The following STK38L variants were observed in gnomAD, a reference collection of about 807,000 sequenced individuals.
STK38L encodes serine/threonine-protein kinase 38-like.
In STK38L, 28 loss-of-function variants were observed where a neutral mutation model predicts 59.7. The observed-to-expected ratio is 0.47, with a 90% CI of 0.35 to 0.64. The LOEUF is 0.64. STK38L is among the 30% of genes least tolerant of loss of function. The pLI, the probability that STK38L is intolerant of heterozygous loss-of-function variation, is 0.01. For missense variants in STK38L, 314 were observed against 555.8 expected, an observed-to-expected ratio of 0.56 and a Z score of 4.37; for synonymous variants, 162 against 176.8, an observed-to-expected ratio of 0.92 and a Z score of 0.66.
intron 1 of STK38L, among the ~76,000 whole-genome samples, chr12:27,277,242 A>G (rs11048960): frequency 0.24 from 36,703 of 151,886 alleles, 4,921 homozygotes; most frequent in African/African-American, 0.34. Flanking sequence ...AATTACTCGT[A>G]CTTTTAAAAG....
intron 1 of STK38L, among the ~76,000 whole-genome samples, chr12:27,274,040 G>A (rs1943480106): frequency 6.6e-6 from 1 of 151,990 alleles, no homozygotes; most frequent in African/African-American, 2.4e-5. Context: ...GGATCACAAG[G>A]TCAAGAGATT....
At position 27,323,860 on chromosome 12, in the gene STK38L, T is replaced by C. The variant is rs1944784997; in HGVS notation, c.*1405T>C. 6.6e-6 allele frequency: 1 copy of C among 152,132 alleles called. No homozygotes were observed. Among genetic ancestry groups the C allele is most frequent in the Non-Finnish European group, 1.5e-5 (1 of 67,956 alleles). 9.4% of individuals were successfully genotyped at this position (152,132 alleles called of 1,614,324 possible). ...AACAACTCTGAGGTTTTGGTTTCAT[T>C]AGTAATAGTTGAGGAATAATATACT... is the stretch of plus-strand genomic sequence containing the variant. On this transcript the variant is annotated 3_prime_UTR_variant, in exon 14 of 14. Coordinates refer to ENST00000389032, the MANE Select transcript of STK38L (RefSeq NM_015000.4).
At chr12:27,282,738 G>A (rs1289202766) in intron 1 of STK38L, among the ~76,000 whole-genome samples, 1 of 152,150 alleles carries the variant, frequency 6.6e-6, no homozygotes, top group African/African-American at 2.4e-5. Flanking sequence ...GAGAAAGAGT[G>A]CATAGTCTGA....
At chr12:27,293,018 C>T (rs911258147) in intron 1 of STK38L, among the ~76,000 whole-genome samples, 6 of 152,132 alleles carry the variant, frequency 3.9e-5, no homozygotes, top group Non-Finnish European at 8.8e-5. Flanking sequence ...TAGGCGCCAC[C>T]ATAGTGCACC....
chr12:27,318,583 A>G (rs1201271645), intron 11 of STK38L, among the ~76,000 whole-genome samples: 1 of 152,230 alleles, frequency 6.6e-6, no homozygotes, highest in Non-Finnish European at 1.5e-5. Context: ...ATTTAGGTAC[A>G]CTATGATTTT....
At chr12:27,290,150 T>A (rs1943864838) in intron 1 of STK38L, among the ~76,000 whole-genome samples, 1 of 152,234 alleles carries the variant, frequency 6.6e-6, no homozygotes, top group East Asian at 1.9e-4. Context: ...CTCAGTCCTT[T>A]TACAAGTACT....
chr12:27,311,028 G>T (rs940679760), intron 5 of STK38L, among the ~76,000 whole-genome samples: 7 of 152,164 alleles, frequency 4.6e-5, no homozygotes, highest in African/African-American at 7.2e-5. Flanking sequence ...TCTCCTCACT[G>T]TTGTTCTACC....
At chr12:27,313,846 T>C (rs1944518683) in intron 6 of STK38L, among the ~76,000 whole-genome samples, 1 of 152,182 alleles carries the variant, frequency 6.6e-6, no homozygotes, top group Non-Finnish European at 1.5e-5. Flanking sequence ...AGTGGGATAA[T>C]GTCCCACTAA....
At position 27,250,991 on chromosome 12, in the gene STK38L, T is replaced by C. The variant is rs564751898; in HGVS notation, c.-12+6659T>C. ...CCCAGCCTGGGTGACAGTGAGACTCTGTCTCAAAAAAAAAAAAAAAAAAAA... is the reference window on the plus strand; with the variant it reads ...CCCAGCCTGGGTGACAGTGAGACTCCGTCTCAAAAAAAAAAAAAAAAAAAA... On this transcript the variant is annotated intron_variant, in intron 1 of 13. Transcript: ENST00000389032. 5.5e-3 allele frequency among the ~76,000 whole-genome samples: 619 copies of C among 112,380 alleles called. 7 individuals carry two copies. The highest frequency in any genetic ancestry group is 0.021 in the African/African-American group (598 of 28,088). The allele number at this position is 112,380 out of a possible 152,430, so 73.7% of individuals were successfully genotyped here. A position where few individuals can be genotyped will look rare whatever the true frequency, so the allele number is the denominator to read the frequency against.
At chr12:27,285,003 A>G (rs1208572680) in intron 1 of STK38L, among the ~76,000 whole-genome samples, 1 of 152,160 alleles carries the variant, frequency 6.6e-6, no homozygotes, top group East Asian at 1.9e-4. Context: ...GTCAGTTGTG[A>G]TGGTCAAAAA....
rs541376532 is a variant in STK38L at position 27,287,466 on chromosome 12, T to C, written c.-11-10244T>C. 9.8e-5 allele frequency among the ~76,000 whole-genome samples: 15 copies of C among 152,330 alleles called. 1 individual carries two copies. Among genetic ancestry groups the C allele is most frequent in the Admixed American group, 2.6e-4 (4 of 15,306 alleles). On this transcript the variant is annotated intron_variant, in intron 1 of 13. Transcript: ENST00000389032. ...CAGTGTTTTTCTCCAAATTATTCTTTTAATCTTGTTTGATATACAGTATAT... is the reference window on the plus strand; with the variant it reads ...CAGTGTTTTTCTCCAAATTATTCTTCTAATCTTGTTTGATATACAGTATAT...
chr12:27,258,236 G>A (rs1943130407), intron 1 of STK38L, among the ~76,000 whole-genome samples: 1 of 152,166 alleles, frequency 6.6e-6, no homozygotes, highest in East Asian at 1.9e-4. Context: ...ATAAAGACAG[G>A]ATTTCGTTAT....
At chr12:27,253,625 A>G (rs1943024363) in intron 1 of STK38L, among the ~76,000 whole-genome samples, 1 of 152,158 alleles carries the variant, frequency 6.6e-6, no homozygotes, top group Non-Finnish European at 1.5e-5. Flanking sequence ...GTCATGAAAG[A>G]GCAGTGAGAG....
chr12:27,278,181 G>GT (rs944730845), intron 1 of STK38L, among the ~76,000 whole-genome samples: 39 of 152,338 alleles, frequency 2.6e-4, no homozygotes, highest in African/African-American at 6.5e-4. Flanking sequence ...TTGGAAGGCT[G>GT]TAAGTGTAGC....
chr12:27,255,519 CA>C (rs1943073367), intron 1 of STK38L, among the ~76,000 whole-genome samples: 1 of 152,168 alleles, frequency 6.6e-6, no homozygotes, highest in African/African-American at 2.4e-5. Flanking sequence ...GATTGATTTT[CA>C]GAGTTGAAAG....
intron 1 of STK38L, among the ~76,000 whole-genome samples, chr12:27,285,757 G>T (rs1170528166): frequency 6.6e-6 from 1 of 152,154 alleles, no homozygotes; most frequent in Non-Finnish European, 1.5e-5. Flanking sequence ...CTTAAAACAG[G>T]CAAGGAAAGA....
rs561487148 is a variant in STK38L, at chr12:27,287,758, A to AT, written c.-11-9946dup. Among the ~76,000 whole-genome samples the AT allele has an allele frequency of 3.0e-4, 45 of 151,796 alleles. 2 individuals are homozygous for AT. In the South Asian group the frequency reaches 7.7e-3, roughly 26 times the overall value. On this transcript the variant is annotated intron_variant, in intron 1 of 13. Coordinates refer to ENST00000389032, the MANE Select transcript of STK38L (RefSeq NM_015000.4). ...TGGAGTGAAATGAATACTTGACTTG[A>AT]TTTTTTCCCCTAAATGGATACCCAG...
intron 1 of STK38L, among the ~76,000 whole-genome samples, chr12:27,284,410 TCACTTAATGACAGATAAG>T (rs1345217628): frequency 6.6e-6 from 1 of 152,228 alleles, no homozygotes; most frequent in African/African-American, 2.4e-5. Context: ...ATAGTCTCTC[TCACTTAATGACAGATAAG>T]ATGGTCTGTA....
At position 27,297,840 on chromosome 12, in the gene STK38L, A is replaced by G; in HGVS notation, c.120A>G (p.Glu40=). 6.2e-7 allele frequency: 1 copy of G among 1,614,144 alleles called. No homozygotes were observed. The highest frequency in any genetic ancestry group is 8.5e-7 in the Non-Finnish European group (1 of 1,180,028). ...NFYSNLILQH[E]ERETRQKKLE... ...ATAGCAACCTAATTTTACAGCATGA[A>G]GAGAGAGAAACCAGGTATAGTAAGG... The change falls in exon 2 of 14, where the codon GAA becomes GAG. Residue 40 remains glutamate (E), a synonymous_variant. Transcript: ENST00000389032.
Sources: allele counts gnomAD v4.1 joint callset (sites outside exome capture counted in the v4.1 genomes callset), GRCh38; gene constraint gnomAD v4.1.1; transcripts MANE v1.5; gene names NCBI Gene and HGNC (gene_info 2026-07-23, HGNC 2026-07-21).